The following EPHA3 variants were observed in gnomAD, a reference collection of about 807,000 sequenced individuals.
The protein encoded by EPHA3 is ephrin type-A receptor 3.
In EPHA3, 42 loss-of-function variants were observed where a neutral mutation model predicts 107.1. That is an observed-to-expected ratio of 0.39 (90% CI 0.31 to 0.51). EPHA3 has a LOEUF of 0.51. EPHA3 is among the 20% of genes least tolerant of loss of function. The pLI is 0.78. For synonymous variants in EPHA3, 461 were observed against 424.8 expected, an observed-to-expected ratio of 1.09 and a Z score of -1.05; for missense variants, 1,183 against 1,211.2, an observed-to-expected ratio of 0.98 and a Z score of 0.35.
chr3:89,227,325 C>T (rs888067041), intron 3 of EPHA3, among the ~76,000 whole-genome samples: 2 of 151,948 alleles, frequency 1.3e-5, no homozygotes, highest in African/African-American at 4.8e-5. Flanking sequence ...CAGCTACTCT[C>T]TTGGAGGTTC....
chr3:89,236,063 A>G (rs979159229), intron 3 of EPHA3, among the ~76,000 whole-genome samples: 5 of 152,074 alleles, frequency 3.3e-5, no homozygotes, highest in Admixed American at 2.6e-4. Context: ...CATTGTGAAT[A>G]TATACATTTG....
chr3:89,235,842 A>G (rs1225340993), intron 3 of EPHA3, among the ~76,000 whole-genome samples: 1 of 151,826 alleles, frequency 6.6e-6, no homozygotes, highest in African/African-American at 2.4e-5. Context: ...GAGAGAAATT[A>G]TTCTCACACA....
At chr3:89,125,080 T>C (rs1704064737) in intron 1 of EPHA3, among the ~76,000 whole-genome samples, 1 of 151,862 alleles carries the variant, frequency 6.6e-6, no homozygotes, top group African/African-American at 2.4e-5. Context: ...GTAATAACCA[T>C]ATCTTCTTCT....
At chr3:89,436,173 A>G (rs1709666753) in intron 13 of EPHA3, among the ~76,000 whole-genome samples, 1 of 151,962 alleles carries the variant, frequency 6.6e-6, no homozygotes, top group South Asian at 2.1e-4. Flanking sequence ...AGAAAAAGAA[A>G]AAATACTATT....
intron 2 of EPHA3, among the ~76,000 whole-genome samples, chr3:89,139,651 G>A (rs1704386105): frequency 6.6e-6 from 1 of 151,640 alleles, no homozygotes; most frequent in African/African-American, 2.4e-5. Flanking sequence ...TTTTAGAGGT[G>A]GCAGAAGCGG....
chr3:89,437,762 G>A lies in EPHA3; in HGVS notation c.2346+6403G>A, dbSNP rs1709702573. ...CTGTTTTATACAGGATCAAGTTACT[G>A]AAAGCACAGACTTTTATCTTATTTA... On this transcript the variant is annotated intron_variant, in intron 13 of 16. Transcript: ENST00000336596. 2.6e-5 allele frequency among the ~76,000 whole-genome samples: 4 copies of A among 152,244 alleles called. No homozygotes were observed. The South Asian group carries it at 8.3e-4, about 32-fold the overall frequency.
chr3:89,290,158 CT>C (rs1706178458), intron 3 of EPHA3, among the ~76,000 whole-genome samples: 1 of 152,062 alleles, frequency 6.6e-6, no homozygotes, highest in Non-Finnish European at 1.5e-5. Context: ...ACCTTTTCTT[CT>C]TATCATTCTA....
intron 3 of EPHA3, among the ~76,000 whole-genome samples, chr3:89,219,016 A>C (rs2107200809): frequency 6.6e-6 from 1 of 152,342 alleles, no homozygotes; most frequent in Non-Finnish European, 1.5e-5. Context: ...CCTATTCATA[A>C]GGAAAAACAT....
intron 2 of EPHA3, among the ~76,000 whole-genome samples, chr3:89,187,458 T>G (rs1003083285): frequency 1.3e-5 from 2 of 150,792 alleles, no homozygotes; most frequent in African/African-American, 4.9e-5. Context: ...ATTTATCTTA[T>G]TTAATGTGTA....
intron 5 of EPHA3, among the ~76,000 whole-genome samples, chr3:89,374,369 A>T (rs980074483): frequency 2.0e-5 from 3 of 151,912 alleles, no homozygotes; most frequent in Admixed American, 6.6e-5. Context: ...AAAACAGTGG[A>T]AGTCAACAAA....
chr3:89,368,052 T>C (rs1444880184), intron 5 of EPHA3, among the ~76,000 whole-genome samples: 1 of 150,486 alleles, frequency 6.6e-6, no homozygotes, highest in East Asian at 1.9e-4. Context: ...CCTTATCCAA[T>C]AGGCATTTTT....
intron 2 of EPHA3, among the ~76,000 whole-genome samples, chr3:89,167,930 A>G (rs973967144): frequency 1.3e-5 from 2 of 152,042 alleles, no homozygotes; most frequent in African/African-American, 4.8e-5. Flanking sequence ...ACATATATAC[A>G]CACACACAAA....
intron 3 of EPHA3, among the ~76,000 whole-genome samples, chr3:89,288,972 T>C (rs1706151304): frequency 6.6e-6 from 1 of 152,172 alleles, no homozygotes; most frequent in Admixed American, 6.6e-5. Context: ...TAAATATACT[T>C]TGACAATTAC....
chr3:89,394,878 G>T (rs1338301319), intron 5 of EPHA3, among the ~76,000 whole-genome samples: 3 of 152,144 alleles, frequency 2.0e-5, no homozygotes, highest in Admixed American at 2.0e-4. Flanking sequence ...TTAAGGCAGG[G>T]TGCCACTGAA....
chr3:89,449,148 C>A (rs2107552963), intron 13 of EPHA3, 77 bp from the exon 14 acceptor site: 1 of 1,303,628 alleles, frequency 7.7e-7, no homozygotes, highest in Non-Finnish European at 1.0e-6. Flanking sequence ...GAAATTCTGT[C>A]CGGTTTCAGA....
At chr3:89,128,385 G>A (rs562545303) in intron 2 of EPHA3, among the ~76,000 whole-genome samples, 1 of 152,038 alleles carries the variant, frequency 6.6e-6, no homozygotes, top group Non-Finnish European at 1.5e-5. Flanking sequence ...CCAGGATTTG[G>A]TTTTCCCAGA....
At chr3:89,278,991 G>A (rs1705877260) in intron 3 of EPHA3, among the ~76,000 whole-genome samples, 1 of 152,142 alleles carries the variant, frequency 6.6e-6, no homozygotes, top group Non-Finnish European at 1.5e-5. Flanking sequence ...TTAAACTGTG[G>A]AAAATTTGAA....
chr3:89,215,733 T>C (rs1704208344), intron 3 of EPHA3, among the ~76,000 whole-genome samples: 1 of 151,896 alleles, frequency 6.6e-6, no homozygotes, highest in Non-Finnish European at 1.5e-5. Context: ...AAATAAGACT[T>C]ACAGTGTTTT....
intron 3 of EPHA3, among the ~76,000 whole-genome samples, chr3:89,302,026 C>T (rs1706503947): frequency 2.6e-5 from 4 of 152,012 alleles, no homozygotes; most frequent in Admixed American, 2.6e-4. Context: ...TTCTTCATAC[C>T]ACGGAAGGAA....
Sources: allele counts gnomAD v4.1 joint callset (sites outside exome capture counted in the v4.1 genomes callset), GRCh38; gene constraint gnomAD v4.1.1; transcripts MANE v1.5; gene names NCBI Gene and HGNC (gene_info 2026-07-23, HGNC 2026-07-21).